The following ATXN1 variants were observed in gnomAD, a reference collection of about 807,000 sequenced individuals.
ATXN1 encodes ataxin 1.
In ATXN1, 8 loss-of-function variants were observed where a neutral mutation model predicts 56.4. The observed-to-expected ratio is 0.14, with a 90% CI of 0.08 to 0.26. The LOEUF is 0.26. Ranked by LOEUF, ATXN1 falls within the 10% of genes least tolerant of loss-of-function variation. The pLI, the probability that ATXN1 is intolerant of heterozygous loss-of-function variation, is 1.00. For missense variants in ATXN1, 987 were observed against 1,106.5 expected (o/e 0.89, Z 1.53); for synonymous variants, 514 against 494.6 (o/e 1.04, Z -0.52).
intron 7 of ATXN1, among the ~76,000 whole-genome samples, chr6:16,323,098 A>G (rs1416139212): frequency 2.0e-5 from 3 of 152,214 alleles, no homozygotes; most frequent in African/African-American, 7.2e-5. Context: ...TGATCTCACT[A>G]TGGGAAAAAA....
chr6:16,579,568 G>A (rs1029938759), intron 4 of ATXN1, among the ~76,000 whole-genome samples: 2 of 145,680 alleles, frequency 1.4e-5, no homozygotes, highest in South Asian at 4.3e-4. Flanking sequence ...GACACACTCA[G>A]AGTATCACAT....
intron 6 of ATXN1, among the ~76,000 whole-genome samples, chr6:16,479,242 TA>T (rs1375643210): frequency 1.3e-5 from 2 of 152,238 alleles, no homozygotes; most frequent in Non-Finnish European, 1.5e-5. Flanking sequence ...TTAATTTCTC[TA>T]ACATAGGTTT....
chr6:16,523,763 C>T (rs1322831585), intron 4 of ATXN1, among the ~76,000 whole-genome samples: 2 of 152,128 alleles, frequency 1.3e-5, no homozygotes, highest in Non-Finnish European at 2.9e-5. Context: ...GCCACAGTGT[C>T]TGAGATACTG....
At chr6:16,735,222 T>C (rs905204737) in intron 2 of ATXN1, among the ~76,000 whole-genome samples, 3 of 152,168 alleles carry the variant, frequency 2.0e-5, no homozygotes, top group Non-Finnish European at 4.4e-5. Context: ...TAATGACCTA[T>C]GTAGGTTTAC....
intron 6 of ATXN1, among the ~76,000 whole-genome samples, chr6:16,403,681 C>T (rs1475109049): frequency 6.6e-6 from 1 of 152,112 alleles, no homozygotes; most frequent in East Asian, 1.9e-4. Flanking sequence ...AACTTTCATA[C>T]CATATTTATT....
At chr6:16,566,510 G>T (rs892287272) in intron 4 of ATXN1, among the ~76,000 whole-genome samples, 3 of 151,914 alleles carry the variant, frequency 2.0e-5, no homozygotes, top group African/African-American at 7.3e-5. Flanking sequence ...AGAGTAGCTG[G>T]ACTATAAGCA....
intron 6 of ATXN1, among the ~76,000 whole-genome samples, chr6:16,474,864 A>ACT (rs33939841): frequency 0.12 from 18,469 of 148,872 alleles, 2,089 homozygotes; most frequent in East Asian, 0.63. Flanking sequence ...ACACACACAC[A>ACT]CTCTCTCTCT....
chr6:16,604,386 C>T (rs1367192171), intron 3 of ATXN1, among the ~76,000 whole-genome samples: 1 of 151,080 alleles, frequency 6.6e-6, no homozygotes, highest in South Asian at 2.1e-4. Context: ...GTTCCAGCTA[C>T]TCAACTGACT....
At chr6:16,399,724 C>G (rs994197872) in intron 6 of ATXN1, among the ~76,000 whole-genome samples, 2 of 152,192 alleles carry the variant, frequency 1.3e-5, no homozygotes, top group Non-Finnish European at 1.5e-5. Flanking sequence ...GCATCCAGCG[C>G]ATAGAGGCCA....
intron 6 of ATXN1, among the ~76,000 whole-genome samples, chr6:16,421,701 C>T (rs16878129): frequency 0.14 from 20,988 of 150,810 alleles, 1,663 homozygotes; most frequent in East Asian, 0.31. Flanking sequence ...GGGAGATGAG[C>T]GTGCATGCAA....
chr6:16,581,357 G>C (rs1762527561), intron 4 of ATXN1, among the ~76,000 whole-genome samples: 1 of 151,962 alleles, frequency 6.6e-6, no homozygotes, highest in South Asian at 2.1e-4. Context: ...GGATGTTTGA[G>C]GGCCCGAAGA....
intron 6 of ATXN1, among the ~76,000 whole-genome samples, chr6:16,394,825 A>G (rs1351035981): frequency 2.6e-5 from 4 of 152,144 alleles, no homozygotes; most frequent in East Asian, 1.9e-4. Flanking sequence ...TTATGACTGC[A>G]TTTTCCACGC....
At chr6:16,355,482 G>GAGA (rs1761666858) in intron 6 of ATXN1, among the ~76,000 whole-genome samples, 1 of 152,240 alleles carries the variant, frequency 6.6e-6, no homozygotes. Context: ...GGTGGGGGAG[G>GAGA]AGAAGCCCCA....
intron 4 of ATXN1, among the ~76,000 whole-genome samples, chr6:16,547,689 T>C (rs1279964760): frequency 6.6e-6 from 1 of 152,142 alleles, no homozygotes; most frequent in Non-Finnish European, 1.5e-5. Flanking sequence ...TTTCCGGATA[T>C]CTTTGGTGTT....
At chr6:16,650,428 A>C (rs1000110135) in intron 3 of ATXN1, among the ~76,000 whole-genome samples, 3 of 152,168 alleles carry the variant, frequency 2.0e-5, no homozygotes, top group African/African-American at 4.8e-5. Flanking sequence ...AGTATTAAAA[A>C]ACACACACAC....
intron 6 of ATXN1, among the ~76,000 whole-genome samples, chr6:16,437,291 G>GT (rs1759413801): frequency 6.6e-6 from 1 of 152,248 alleles, no homozygotes; most frequent in Non-Finnish European, 1.5e-5. Flanking sequence ...TGATTAGGCT[G>GT]TATCGGCTGT....
At position 16,471,191 on chromosome 6, in the gene ATXN1, AACACACACACAC is replaced by A. The variant is rs5874560; in HGVS notation, c.-161+14769_-161+14780del. On this transcript the variant is annotated intron_variant, in intron 6 of 7. Coordinates refer to ENST00000436367, the MANE Select transcript of ATXN1 (RefSeq NM_001128164.2). ...TATCTGAAAGACTTCTGGCAATTAA[AACACACACACAC>A]ACACACACACACACACACAATTCAA... 1.4e-3 allele frequency among the ~76,000 whole-genome samples: 207 copies of A among 148,102 alleles called. 2 individuals are homozygous for A. In the East Asian group the frequency reaches 0.034, roughly 24 times the overall value.
intron 3 of ATXN1, among the ~76,000 whole-genome samples, chr6:16,655,357 C>CA (rs375853740): frequency 1.3e-5 from 2 of 151,982 alleles, no homozygotes; most frequent in African/African-American, 2.4e-5. Context: ...CTCGTATCTA[C>CA]AAAAAAATGG....
At chr6:16,399,110 C>T (rs1332504436) in intron 6 of ATXN1, among the ~76,000 whole-genome samples, 1 of 152,220 alleles carries the variant, frequency 6.6e-6, no homozygotes, top group African/African-American at 2.4e-5. Flanking sequence ...ACCCATCTGT[C>T]CCCTTGTCAG....
Sources: gnomAD v4.1 joint callset for allele counts (sites outside exome capture counted in the v4.1 genomes callset) on GRCh38, gnomAD v4.1.1 for gene constraint, MANE v1.5 for transcripts, NCBI Gene and HGNC (gene_info 2026-07-23, HGNC 2026-07-21) for gene names.